The following RAPGEF4 variants were observed in gnomAD, a reference collection of about 807,000 sequenced individuals.
RAPGEF4 encodes RAP guanine-nucleotide-exchange factor (GEF) 4.
RAPGEF4 carries 66 observed loss-of-function variants against 147.9 expected under a neutral mutation model. The ratio of observed to expected loss-of-function variants is 0.45; its 90% confidence interval spans 0.37 to 0.55. The LOEUF (loss-of-function observed/expected upper bound fraction) is 0.55. RAPGEF4 is among the 20% of genes least tolerant of loss of function. The probability of loss-of-function intolerance (pLI) is 0.00; values close to 1 mark genes in which losing one functional copy is unlikely to be tolerated. For missense variants in RAPGEF4, 1,071 were observed against 1,257.3 expected (o/e 0.85, Z 2.24); for synonymous variants, 419 against 442.7 (o/e 0.95, Z 0.67).
At chr2:173,050,081 T>C (rs1053924243) in intron 30 of RAPGEF4, among the ~76,000 whole-genome samples, 2 of 152,218 alleles carry the variant, frequency 1.3e-5, no homozygotes, top group African/African-American at 4.8e-5. Flanking sequence ...CTTGCATTCT[T>C]CTATGTCACC....
At chr2:172,786,353 C>G (rs1685196488) in intron 1 of RAPGEF4, among the ~76,000 whole-genome samples, 1 of 152,132 alleles carries the variant, frequency 6.6e-6, no homozygotes, top group East Asian at 1.9e-4. Flanking sequence ...CCATTTGCCA[C>G]TAGATTGTGA....
At chr2:172,884,328 A>G (rs924319503) in intron 4 of RAPGEF4, among the ~76,000 whole-genome samples, 34 of 152,296 alleles carry the variant, frequency 2.2e-4, no homozygotes, top group Non-Finnish European at 4.4e-4. Context: ...TTTATTCCCT[A>G]TTTACAGCAG....
intron 29 of RAPGEF4, among the ~76,000 whole-genome samples, chr2:173,037,472 G>A (rs75512484): frequency 0.046 from 7,016 of 152,268 alleles, 398 homozygotes; most frequent in African/African-American, 0.13. Flanking sequence ...CTCCTAGCGG[G>A]GGGGAAAGCA....
At chr2:172,738,710 G>T (rs1403620653) in intron 1 of RAPGEF4, among the ~76,000 whole-genome samples, 1 of 152,122 alleles carries the variant, frequency 6.6e-6, no homozygotes, top group Non-Finnish European at 1.5e-5. Context: ...ACCCATGTGG[G>T]TTCACTTGGG....
intron 4 of RAPGEF4, among the ~76,000 whole-genome samples, chr2:172,846,314 C>T (rs1338825262): frequency 6.6e-6 from 1 of 152,184 alleles, no homozygotes; most frequent in East Asian, 1.9e-4. Flanking sequence ...CTTTTCTGGA[C>T]ATTTCATAGA....
At chr2:172,744,699 G>A (rs1054839311) in intron 1 of RAPGEF4, among the ~76,000 whole-genome samples, 1 of 151,964 alleles carries the variant, frequency 6.6e-6, no homozygotes, top group African/African-American at 2.4e-5. Context: ...TATTGCATTT[G>A]CCAGGAATGC....
intron 1 of RAPGEF4, among the ~76,000 whole-genome samples, chr2:172,766,705 A>G (rs957762724): frequency 6.6e-6 from 1 of 152,124 alleles, no homozygotes; most frequent in African/African-American, 2.4e-5. Context: ...ATCAACACCA[A>G]CAGTGGATGT....
chr2:173,046,401 T>C (rs909333791), intron 29 of RAPGEF4, among the ~76,000 whole-genome samples: 4 of 151,776 alleles, frequency 2.6e-5, no homozygotes, highest in Admixed American at 6.6e-5. Flanking sequence ...AGCAGAACAA[T>C]TACTCCCTAC....
chr2:172,975,778 G>A (rs1391892247), intron 10 of RAPGEF4, among the ~76,000 whole-genome samples: 1 of 152,194 alleles, frequency 6.6e-6, no homozygotes, highest in Non-Finnish European at 1.5e-5. Flanking sequence ...TCAAAGGCAA[G>A]CAGTTATACT....
intron 30 of RAPGEF4, among the ~76,000 whole-genome samples, chr2:173,049,801 G>A (rs1032836267): frequency 6.6e-6 from 1 of 152,212 alleles, no homozygotes; most frequent in Non-Finnish European, 1.5e-5. Flanking sequence ...GAATTAAAGT[G>A]TCTCATGTGT....
rs562647284 is a variant in RAPGEF4, at chr2:172,847,208, G to GA, written c.444+32787dup. On this transcript the variant is annotated intron_variant, in intron 4 of 30. Coordinates refer to ENST00000397081, the MANE Select transcript of RAPGEF4 (RefSeq NM_007023.4). ...AGACTGCAGGCACAGGTACAGAAGA[G>GA]AAAATACAGCAATCTGAAGTTGTCA... is the stretch of plus-strand genomic sequence containing the variant. Among the ~76,000 whole-genome samples, 82 of 152,328 alleles carry GA rather than the reference G, an allele frequency of 5.4e-4. No homozygotes were observed. In the South Asian group the frequency reaches 0.015, roughly 27 times the overall value.
intron 4 of RAPGEF4, among the ~76,000 whole-genome samples, chr2:172,842,145 G>A (rs1412524388): frequency 6.6e-6 from 1 of 152,126 alleles, no homozygotes; most frequent in East Asian, 1.9e-4. Flanking sequence ...ACACAGCATG[G>A]TCTTTTCTCT....
intron 16 of RAPGEF4, 86 bp downstream of exon 16, chr2:172,996,640 C>G: frequency 1.1e-6 from 1 of 941,228 alleles, no homozygotes; most frequent in Non-Finnish European, 1.6e-6. Context: ...GTGTGTATAG[C>G]GAAAGCAGTT....
chr2:172,877,354 T>C lies in RAPGEF4; in HGVS notation c.445-40448T>C, dbSNP rs529811052. ...GACACAGGGAGGGGAACATCACACA[T>C]TGGGTCCTGTCAGAGGGTGGGGGAC... On this transcript the variant is annotated intron_variant, in intron 4 of 30. Transcript: ENST00000397081. Among the ~76,000 whole-genome samples, 141 of 151,954 alleles carry C rather than the reference T, an allele frequency of 9.3e-4. 1 individual carries two copies. The highest frequency in any genetic ancestry group is 2.0e-3 in the Admixed American group (30 of 15,240).
At chr2:172,894,095 A>G (rs1388066280) in intron 4 of RAPGEF4, 2 of 152,290 alleles carry the variant, frequency 1.3e-5, no homozygotes, top group African/African-American at 2.4e-5. Context: ...TGTGCAGTGC[A>G]CACATCATGG....
intron 5 of RAPGEF4, among the ~76,000 whole-genome samples, chr2:172,918,893 C>A (rs1684399367): frequency 6.6e-6 from 1 of 152,146 alleles, no homozygotes; most frequent in Non-Finnish European, 1.5e-5. Flanking sequence ...CCCTCCCTCG[C>A]TGACCAGTCA....
intron 4 of RAPGEF4, among the ~76,000 whole-genome samples, chr2:172,876,587 C>G (rs1695953968): frequency 6.6e-6 from 1 of 152,114 alleles, no homozygotes; most frequent in African/African-American, 2.4e-5. Context: ...CCTTGCATCC[C>G]AGGGATGAAG....
chr2:172,976,311 G>A (rs776049136), intron 10 of RAPGEF4, among the ~76,000 whole-genome samples: 6 of 152,148 alleles, frequency 3.9e-5, no homozygotes, highest in Non-Finnish European at 7.3e-5. Context: ...TAAGAAGCAG[G>A]GGTCCTGAGA....
At chr2:172,794,089 C>G (rs1465304669) in intron 1 of RAPGEF4, among the ~76,000 whole-genome samples, 2 of 151,662 alleles carry the variant, frequency 1.3e-5, no homozygotes, top group African/African-American at 4.8e-5. Flanking sequence ...GATTGCATCA[C>G]TGCACACAGC....
Sources: gnomAD v4.1 joint callset for allele counts (sites outside exome capture counted in the v4.1 genomes callset) on GRCh38, gnomAD v4.1.1 for gene constraint, MANE v1.5 for transcripts, NCBI Gene and HGNC (gene_info 2026-07-23, HGNC 2026-07-21) for gene names.